Variants in LRFN5 observed in about 807,000 individuals in gnomAD.
LRFN5 encodes leucine-rich repeat and fibronectin type-III domain-containing protein 5.
LRFN5 carries 24 observed loss-of-function variants against 45.6 expected under a neutral mutation model. The ratio of observed to expected loss-of-function variants is 0.53; its 90% confidence interval spans 0.38 to 0.74. The LOEUF (loss-of-function observed/expected upper bound fraction) is 0.74. LRFN5 is among the 30% of genes least tolerant of loss of function. LRFN5 has a pLI of 0.00. For synonymous variants in LRFN5, 340 were observed against 313.8 expected (o/e 1.08, Z -0.88); for missense variants, 776 against 861.5 (o/e 0.90, Z 1.24).
At chr14:41,822,849 GGTT>G (rs1178881240) in intron 2 of LRFN5, among the ~76,000 whole-genome samples, 8 of 83,940 alleles carry the variant, frequency 9.5e-5, no homozygotes, top group Middle Eastern at 0.011. Flanking sequence ...ATATATTTAG[GGTT>G]GTTTTTTTTT....
In LRFN5 at chr14:41,690,934, T is replaced by G. The variant is rs550907374; in HGVS notation, c.-196-75920T>G. On this transcript the variant is annotated intron_variant, in intron 1 of 5. Transcript: ENST00000298119. ...GAACTCTTGTTTATATTTTTAATAT[T>G]TTTAGGCTTATTAGTGATAAGCCAA... 9.2e-5 allele frequency among the ~76,000 whole-genome samples: 14 copies of G among 152,222 alleles called. No homozygotes were observed. In the East Asian group the frequency reaches 1.9e-3, roughly 21 times the overall value.
intron 1 of LRFN5, among the ~76,000 whole-genome samples, chr14:41,717,826 G>C (rs1232039735): frequency 6.6e-6 from 1 of 152,056 alleles, no homozygotes; most frequent in African/African-American, 2.4e-5. Flanking sequence ...TCTTTTTCCT[G>C]GTGTCTTCAG....
chr14:41,829,779 C>CT (rs1327542819), intron 2 of LRFN5, among the ~76,000 whole-genome samples: 5 of 151,284 alleles, frequency 3.3e-5, no homozygotes, highest in Admixed American at 2.6e-4. Flanking sequence ...GATTCCACAC[C>CT]TTTTTTTAGT....
chr14:41,649,750 C>G (rs1880004248), intron 1 of LRFN5, among the ~76,000 whole-genome samples: 1 of 152,096 alleles, frequency 6.6e-6, no homozygotes, highest in Non-Finnish European at 1.5e-5. Flanking sequence ...TCTCCTTACC[C>G]CTGACGTTTC....
At chr14:41,903,139 T>A (rs1249311596) in intron 5 of LRFN5, among the ~76,000 whole-genome samples, 1 of 151,516 alleles carries the variant, frequency 6.6e-6, no homozygotes, top group Non-Finnish European at 1.5e-5. Flanking sequence ...ACTATTCAGA[T>A]TATCAATTAT....
At chr14:41,804,621 A>G (rs1180778334) in intron 2 of LRFN5, among the ~76,000 whole-genome samples, 1 of 152,140 alleles carries the variant, frequency 6.6e-6, no homozygotes, top group Non-Finnish European at 1.5e-5. Flanking sequence ...CATTTAAACT[A>G]TAAACTAAAT....
At chr14:41,710,116 G>A (rs1883223273) in intron 1 of LRFN5, among the ~76,000 whole-genome samples, 1 of 152,018 alleles carries the variant, frequency 6.6e-6, no homozygotes, top group Non-Finnish European at 1.5e-5. Flanking sequence ...TACAGCTCTT[G>A]AAGACTGTAG....
At chr14:41,797,960 T>C (rs1887191245) in intron 2 of LRFN5, among the ~76,000 whole-genome samples, 1 of 151,986 alleles carries the variant, frequency 6.6e-6, no homozygotes, top group South Asian at 2.1e-4. Flanking sequence ...TATTATGTAG[T>C]TTTTCATATC....
chr14:41,610,622 C>G (rs1011900568), intron 1 of LRFN5, among the ~76,000 whole-genome samples: 2 of 117,088 alleles, frequency 1.7e-5, no homozygotes, highest in Admixed American at 2.2e-4. Flanking sequence ...GATATCTCGA[C>G]TTTAACAGAA....
intron 1 of LRFN5, among the ~76,000 whole-genome samples, chr14:41,640,809 C>A (rs1212215979): frequency 6.6e-6 from 1 of 151,924 alleles, no homozygotes; most frequent in African/African-American, 2.4e-5. Flanking sequence ...TGCCCTTTAT[C>A]CCATATTTCA....
chr14:41,677,041 C>A lies in LRFN5; in HGVS notation c.-197+68479C>A, dbSNP rs74045193. ...GGTAAAAATATAACTGGTAATTAAACATAAGTTTTGACCAGTAAGTGGCTT... is the reference window on the plus strand; with the variant it reads ...GGTAAAAATATAACTGGTAATTAAAAATAAGTTTTGACCAGTAAGTGGCTT... On this transcript the variant is annotated intron_variant, in intron 1 of 5. Coordinates refer to ENST00000298119, the MANE Select transcript of LRFN5 (RefSeq NM_152447.5). Among the ~76,000 whole-genome samples the A allele has an allele frequency of 5.0e-3, 766 of 152,098 alleles. 4 individuals are homozygous for A. Among genetic ancestry groups the A allele is most frequent in the African/African-American group, 0.018 (744 of 41,472 alleles).
chr14:41,856,675 A>ATTATTTTTTTTTTTTTTTTTTTTTTT, intron 2 of LRFN5, among the ~76,000 whole-genome samples: 8 of 18,334 alleles, frequency 4.4e-4, no homozygotes, highest in African/African-American at 6.4e-4. Flanking sequence ...TATTATTATT[A>ATTATTTTTTTTTTTTTTTTTTTTTTT]TTTTTTTTTT....
intron 2 of LRFN5, among the ~76,000 whole-genome samples, chr14:41,789,092 A>T (rs1886829327): frequency 6.6e-6 from 1 of 151,994 alleles, no homozygotes; most frequent in Admixed American, 6.6e-5. Context: ...AATAAGTTTT[A>T]CTTTTCTTCC....
intron 1 of LRFN5, among the ~76,000 whole-genome samples, chr14:41,640,373 A>G (rs535728661): frequency 2.0e-5 from 3 of 152,230 alleles, no homozygotes; most frequent in African/African-American, 7.2e-5. Flanking sequence ...TTTTCAGAAC[A>G]GTAATGGACG....
At chr14:41,633,211 A>G (rs1369361285) in intron 1 of LRFN5, among the ~76,000 whole-genome samples, 1 of 152,054 alleles carries the variant, frequency 6.6e-6, no homozygotes, top group Non-Finnish European at 1.5e-5. Context: ...TTCAGATTAA[A>G]TTTTTCAGCA....
At chr14:41,637,688 A>C (rs1270931760) in intron 1 of LRFN5, among the ~76,000 whole-genome samples, 1 of 152,136 alleles carries the variant, frequency 6.6e-6, no homozygotes, top group East Asian at 1.9e-4. Flanking sequence ...TTAATATTAT[A>C]GGTTGCTTAT....
chr14:41,625,428 T>C (rs1888293362), intron 1 of LRFN5, among the ~76,000 whole-genome samples: 1 of 152,148 alleles, frequency 6.6e-6, no homozygotes, highest in Admixed American at 6.6e-5. Flanking sequence ...TCTGCCACGG[T>C]TGTAAGTTTC....
At chr14:41,837,660 A>AT (rs368035012) in intron 2 of LRFN5, among the ~76,000 whole-genome samples, 61 of 149,720 alleles carry the variant, frequency 4.1e-4, no homozygotes, top group African/African-American at 1.2e-3. Flanking sequence ...AAAAGGGATC[A>AT]TTTTTTTTTT....
chr14:41,753,928 G>A (rs2138850341), intron 1 of LRFN5, among the ~76,000 whole-genome samples: 1 of 152,218 alleles, frequency 6.6e-6, no homozygotes, highest in South Asian at 2.1e-4. Flanking sequence ...ATTATTTTGA[G>A]ATACGTCCCA....
Sources: gnomAD v4.1 joint callset for allele counts (sites outside exome capture counted in the v4.1 genomes callset) on GRCh38, gnomAD v4.1.1 for gene constraint, MANE v1.5 for transcripts, NCBI Gene and HGNC (gene_info 2026-07-23, HGNC 2026-07-21) for gene names.